Variants in ARHGAP15 observed in about 807,000 individuals in gnomAD.
ARHGAP15 encodes rho GTPase-activating protein 15.
A neutral mutation model predicts 63.7 loss-of-function variants in ARHGAP15; 51 were observed. That is an observed-to-expected ratio of 0.80 (90% confidence interval 0.64 to 1.01). The LOEUF is 1.01. Ranked by LOEUF, ARHGAP15 falls within the 50% of genes least tolerant of loss-of-function variation. The pLI, the probability that ARHGAP15 is intolerant of heterozygous loss-of-function variation, is 0.00. For missense variants in ARHGAP15, 560 were observed against 564.6 expected (o/e 0.99, Z 0.08); for synonymous variants, 191 against 193.8 (o/e 0.99, Z 0.12).
chr2:143,759,321 T>C (rs1387983289), intron 13 of ARHGAP15, among the ~76,000 whole-genome samples: 1 of 152,280 alleles, frequency 6.6e-6, no homozygotes, highest in East Asian at 1.9e-4. Context: ...CGAAAGCATA[T>C]GGCACAATTC....
intron 11 of ARHGAP15, among the ~76,000 whole-genome samples, chr2:143,585,275 C>T (rs1697067556): frequency 6.6e-6 from 1 of 152,054 alleles, no homozygotes; most frequent in South Asian, 2.1e-4. Context: ...TACTTAAAAA[C>T]TTGTCAAAAG....
intron 12 of ARHGAP15, among the ~76,000 whole-genome samples, chr2:143,654,747 C>A (rs1374374020): frequency 6.6e-6 from 1 of 152,154 alleles, no homozygotes; most frequent in Non-Finnish European, 1.5e-5. Context: ...TTCCCCCTTG[C>A]TAAACTACCT....
intron 10 of ARHGAP15, among the ~76,000 whole-genome samples, chr2:143,539,018 T>A (rs568051247): frequency 2.0e-5 from 3 of 152,332 alleles, no homozygotes; most frequent in South Asian, 4.1e-4. Context: ...CCTGGATTTT[T>A]TTGGTTGGTA....
At chr2:143,588,350 A>G (rs1011771168) in intron 11 of ARHGAP15, among the ~76,000 whole-genome samples, 2 of 152,146 alleles carry the variant, frequency 1.3e-5, no homozygotes, top group Non-Finnish European at 2.9e-5. Context: ...TAGAAGAGAC[A>G]GGTGTAAATT....
rs746854044 is a variant in ARHGAP15, at chr2:143,437,808, G to A, written c.703+766G>A. On this transcript the variant is annotated intron_variant, in intron 8 of 13. Coordinates refer to ENST00000295095, the MANE Select transcript of ARHGAP15 (RefSeq NM_018460.4). The stretch of plus-strand genomic sequence containing the variant: ...TGGGAGGCTGAGGTGGGTGGATCAC[G>A]AGGTCAGGAGCTCGAGATCATCCTG... Among the ~76,000 whole-genome samples, 12 of 152,034 alleles carry A rather than the reference G, an allele frequency of 7.9e-5. No homozygotes were observed. The South Asian group carries it at 1.2e-3, about 16-fold the overall frequency.
chr2:143,302,543 T>C (rs1212417053), intron 6 of ARHGAP15, among the ~76,000 whole-genome samples: 1 of 151,978 alleles, frequency 6.6e-6, no homozygotes, highest in Non-Finnish European at 1.5e-5. Context: ...GGCACAGATA[T>C]ATGGAAGGTG....
chr2:143,708,567 T>C (rs1684433913), intron 13 of ARHGAP15, among the ~76,000 whole-genome samples: 1 of 152,044 alleles, frequency 6.6e-6, no homozygotes, highest in African/African-American at 2.4e-5. Flanking sequence ...TCCCCACTCT[T>C]TTCTGTCTCA....
At chr2:143,336,831 C>G (rs1471480035) in intron 6 of ARHGAP15, among the ~76,000 whole-genome samples, 4 of 152,142 alleles carry the variant, frequency 2.6e-5, no homozygotes, top group African/African-American at 9.7e-5. Flanking sequence ...ATTATTGTCA[C>G]ATTTCAGTTT....
intron 6 of ARHGAP15, among the ~76,000 whole-genome samples, chr2:143,307,543 T>A (rs536837354): frequency 6.6e-6 from 1 of 152,234 alleles, no homozygotes; most frequent in African/African-American, 2.4e-5. Context: ...TACATTCTGA[T>A]CATTCTGATC....
At chr2:143,623,986 G>GA (rs966079377) in intron 11 of ARHGAP15, 147 bp from the exon 12 acceptor site, 1,391 of 831,210 alleles carry the variant, frequency 1.7e-3, no homozygotes, top group South Asian at 2.4e-3. Flanking sequence ...AAAGAGGGAG[G>GA]AAAAAAAAAT....
chr2:143,641,771 A>T (rs997198646), intron 12 of ARHGAP15, among the ~76,000 whole-genome samples: 3 of 152,138 alleles, frequency 2.0e-5, no homozygotes, highest in African/African-American at 7.2e-5. Context: ...CAGAACTCTT[A>T]GAAAATTTGT....
intron 8 of ARHGAP15, among the ~76,000 whole-genome samples, chr2:143,464,829 T>C (rs1574485292): frequency 6.6e-6 from 1 of 152,312 alleles, no homozygotes; most frequent in East Asian, 1.9e-4. Context: ...TTCTTTGGAT[T>C]CCTACATTCC....
At chr2:143,618,254 T>A (rs146165875) in intron 11 of ARHGAP15, among the ~76,000 whole-genome samples, 1 of 152,234 alleles carries the variant, frequency 6.6e-6, no homozygotes, top group Non-Finnish European at 1.5e-5. Flanking sequence ...ATCTTCTATA[T>A]CCTTATAAAC....
At chr2:143,293,297 T>C (rs1256242854) in intron 6 of ARHGAP15, among the ~76,000 whole-genome samples, 1 of 152,110 alleles carries the variant, frequency 6.6e-6, no homozygotes, top group Admixed American at 6.6e-5. Flanking sequence ...TCCTCATCAC[T>C]AGCAACTGAC....
At position 143,166,666 on chromosome 2, in the gene ARHGAP15, A is replaced by G. The variant is rs376866531; in HGVS notation, c.165+11011A>G. 2.6e-5 allele frequency among the ~76,000 whole-genome samples: 4 copies of G among 152,218 alleles called. No individual in the cohort carries two copies. The South Asian group carries it at 8.3e-4, about 32-fold the overall frequency. On this transcript the variant is annotated intron_variant, in intron 2 of 13. Coordinates refer to ENST00000295095, the MANE Select transcript of ARHGAP15 (RefSeq NM_018460.4). ...CAAATACTTTACACTATGCTTAAAAATGGCCTGTAAAAAAGAGACGTTCAC... is the reference window on the plus strand; with the variant it reads ...CAAATACTTTACACTATGCTTAAAAGTGGCCTGTAAAAAAGAGACGTTCAC...
intron 12 of ARHGAP15, among the ~76,000 whole-genome samples, chr2:143,657,397 T>A (rs1418744138): frequency 6.6e-6 from 1 of 152,100 alleles, no homozygotes; most frequent in Non-Finnish European, 1.5e-5. Flanking sequence ...AAATACTATG[T>A]TTATGTGTTT....
At chr2:143,569,078 G>C (rs1389175906) in intron 11 of ARHGAP15, among the ~76,000 whole-genome samples, 4 of 152,098 alleles carry the variant, frequency 2.6e-5, no homozygotes, top group Non-Finnish European at 4.4e-5. Flanking sequence ...CAGGTTGATG[G>C]GTGCAGTGAG....
intron 12 of ARHGAP15, among the ~76,000 whole-genome samples, chr2:143,654,933 A>G (rs1006627725): frequency 6.6e-6 from 1 of 152,184 alleles, no homozygotes; most frequent in African/African-American, 2.4e-5. Flanking sequence ...CCCGTTTCTA[A>G]AATATAAAAC....
intron 9 of ARHGAP15, among the ~76,000 whole-genome samples, chr2:143,508,609 T>A (rs1287897977): frequency 6.6e-6 from 1 of 152,210 alleles, no homozygotes; most frequent in East Asian, 1.9e-4. Flanking sequence ...TTCTGTGTGC[T>A]GACGTACATG....
Sources: allele counts gnomAD v4.1 joint callset (sites outside exome capture counted in the v4.1 genomes callset), GRCh38; gene constraint gnomAD v4.1.1; transcripts MANE v1.5; gene names NCBI Gene and HGNC (gene_info 2026-07-23, HGNC 2026-07-21).